The following GRID2 variants were observed in gnomAD, a reference collection of about 807,000 sequenced individuals.
The protein encoded by GRID2 is glutamate ionotropic receptor delta type subunit 2.
GRID2 carries 33 observed loss-of-function variants against 114.8 expected under a neutral mutation model. The ratio of observed to expected loss-of-function variants is 0.29; its 90% CI spans 0.22 to 0.38. The LOEUF (loss-of-function observed/expected upper bound fraction) is 0.38. Among genes scored for constraint, GRID2 ranks in the 10% least tolerant of loss-of-function variants. The pLI, the probability that GRID2 is intolerant of heterozygous loss-of-function variation, is 1.00. For missense variants in GRID2, 1,184 were observed against 1,257.7 expected (o/e 0.94, Z 0.89); for synonymous variants, 505 against 449.9 (o/e 1.12, Z -1.55).
At chr4:92,784,508 TTTACTC>T (rs1319969223) in intron 2 of GRID2, among the ~76,000 whole-genome samples, 5 of 151,814 alleles carry the variant, frequency 3.3e-5, no homozygotes, top group Admixed American at 6.6e-5. Flanking sequence ...AGTATATACT[TTTACTC>T]TTAAAGATTC....
At chr4:93,428,289 A>G (rs1008529858) in intron 10 of GRID2, among the ~76,000 whole-genome samples, 4 of 152,128 alleles carry the variant, frequency 2.6e-5, no homozygotes, top group Non-Finnish European at 5.9e-5. Context: ...ATAAAGTAAA[A>G]AAATACAGAA....
At chr4:92,613,855 TA>T (rs1729873332) in intron 2 of GRID2, among the ~76,000 whole-genome samples, 1 of 151,498 alleles carries the variant, frequency 6.6e-6, no homozygotes, top group Admixed American at 6.6e-5. Context: ...TTTTGCTCTT[TA>T]TTATTTCCTT....
chr4:93,385,267 G>A (rs927596523), intron 8 of GRID2, among the ~76,000 whole-genome samples: 5 of 152,182 alleles, frequency 3.3e-5, no homozygotes, highest in African/African-American at 1.2e-4. Context: ...TATCTCTAGC[G>A]AGAGTAATTT....
chr4:93,485,346 ACT>A (rs1254794032), intron 11 of GRID2, among the ~76,000 whole-genome samples: 2 of 151,002 alleles, frequency 1.3e-5, no homozygotes, highest in Non-Finnish European at 3.0e-5. Flanking sequence ...TTGTCTTTTC[ACT>A]CTCTTTATGG....
At chr4:93,342,603 G>A (rs6854722) in intron 8 of GRID2, among the ~76,000 whole-genome samples, 12,922 of 152,058 alleles carry the variant, frequency 0.085, 782 homozygotes, top group African/African-American at 0.16. Flanking sequence ...CAAAACAAGT[G>A]TGTGATAAAT....
At chr4:92,888,559 A>G (rs1746530671) in intron 2 of GRID2, among the ~76,000 whole-genome samples, 1 of 152,026 alleles carries the variant, frequency 6.6e-6, no homozygotes, top group Non-Finnish European at 1.5e-5. Context: ...GGGGGGATGA[A>G]ACTAACGTCT....
At chr4:92,388,005 A>T (rs1037256391) in intron 1 of GRID2, among the ~76,000 whole-genome samples, 1 of 152,084 alleles carries the variant, frequency 6.6e-6, no homozygotes, top group Non-Finnish European at 1.5e-5. Context: ...ACAGAAGACA[A>T]CAAATCTTCC....
chr4:92,555,223 C>T (rs1052366311), intron 1 of GRID2, among the ~76,000 whole-genome samples: 48 of 152,088 alleles, frequency 3.2e-4, no homozygotes, highest in African/African-American at 8.9e-4. Context: ...ATATAAAAGG[C>T]CATATTAACC....
chr4:92,376,644 A>C (rs1203121480), intron 1 of GRID2, among the ~76,000 whole-genome samples: 1 of 139,278 alleles, frequency 7.2e-6, no homozygotes, highest in Non-Finnish European at 1.6e-5. Flanking sequence ...GAGGTTCTTC[A>C]TGAGAGGCCT....
intron 2 of GRID2, among the ~76,000 whole-genome samples, chr4:92,955,630 A>C (rs1171009955): frequency 6.6e-6 from 1 of 151,896 alleles, no homozygotes; most frequent in Non-Finnish European, 1.5e-5. Context: ...ATTAGACCCC[A>C]TTTGTCAATT....
At chr4:92,545,041 T>A (rs192917769) in intron 1 of GRID2, among the ~76,000 whole-genome samples, 1 of 152,052 alleles carries the variant, frequency 6.6e-6, no homozygotes, top group African/African-American at 2.4e-5. Flanking sequence ...TGATTGAAAT[T>A]GCTGGTTCAT....
At chr4:93,598,599 C>T (rs1237095139) in intron 13 of GRID2, among the ~76,000 whole-genome samples, 1 of 152,126 alleles carries the variant, frequency 6.6e-6, no homozygotes, top group Non-Finnish European at 1.5e-5. Flanking sequence ...AGATTTAACC[C>T]AGTTTTAAGA....
intron 2 of GRID2, among the ~76,000 whole-genome samples, chr4:92,731,483 T>C (rs1166531894): frequency 1.3e-5 from 2 of 151,928 alleles, no homozygotes; most frequent in Admixed American, 1.3e-4. Context: ...AAGAAGCTTA[T>C]AAATTTGATA....
chr4:93,000,880 C>T (rs1280472755), intron 2 of GRID2, among the ~76,000 whole-genome samples: 1 of 151,288 alleles, frequency 6.6e-6, no homozygotes, highest in African/African-American at 2.4e-5. Context: ...TGGGTGAAGT[C>T]CAAACCTCAG....
intron 2 of GRID2, among the ~76,000 whole-genome samples, chr4:92,839,625 T>C (rs957825666): frequency 6.6e-6 from 1 of 152,054 alleles, no homozygotes; most frequent in African/African-American, 2.4e-5. Context: ...TGTGTTTGTA[T>C]AGTTTCCAAA....
At chr4:92,399,246 C>T (rs1048548962) in intron 1 of GRID2, among the ~76,000 whole-genome samples, 1 of 152,144 alleles carries the variant, frequency 6.6e-6, no homozygotes, top group African/African-American at 2.4e-5. Context: ...GTTGCTCTTT[C>T]CAGAAGTGAG....
intron 2 of GRID2, among the ~76,000 whole-genome samples, chr4:92,816,318 CAAAAAAAAA>C (rs764487348): frequency 4.1e-5 from 2 of 48,260 alleles, no homozygotes; most frequent in East Asian, 1.4e-3. Context: ...TCTGTCTCAC[CAAAAAAAAA>C]AAAAAAAAAA....
intron 1 of GRID2, among the ~76,000 whole-genome samples, chr4:92,454,475 A>G (rs1721104811): frequency 6.6e-6 from 1 of 152,202 alleles, no homozygotes; most frequent in African/African-American, 2.4e-5. Flanking sequence ...ACATTTATTA[A>G]CCTCTGAAAA....
rs540304134 is a variant in GRID2, at chr4:93,650,568, G to C, written c.2360+24133G>C. 1.5e-4 allele frequency among the ~76,000 whole-genome samples: 23 copies of C among 152,178 alleles called. No homozygotes were observed. The East Asian group carries it at 4.5e-3, about 29-fold the overall frequency. The stretch of plus-strand genomic sequence containing the variant: ...ACCAACTTGCTGTACAAGACCCTCT[G>C]TTTTAATTCCTTTTTAAAGCAACCC... On this transcript the variant is annotated intron_variant, in intron 14 of 15. Transcript: ENST00000282020.
Sources: gnomAD v4.1 joint callset for allele counts (sites outside exome capture counted in the v4.1 genomes callset) on GRCh38, gnomAD v4.1.1 for gene constraint, MANE v1.5 for transcripts, NCBI Gene and HGNC (gene_info 2026-07-23, HGNC 2026-07-21) for gene names.